The following TMEM255B variants were observed in gnomAD, a reference collection of about 807,000 sequenced individuals.
TMEM255B encodes the protein transmembrane protein 255B.
In TMEM255B, 35 loss-of-function variants were observed where a neutral mutation model predicts 34.5. The ratio of observed to expected loss-of-function variants is 1.01; its 90% CI spans 0.77 to 1.34. The LOEUF (loss-of-function observed/expected upper bound fraction) is 1.34. TMEM255B is among the 40% of genes most tolerant of loss of function. The pLI, the probability that TMEM255B is intolerant of heterozygous loss-of-function variation, is 0.00. For missense variants in TMEM255B, 432 were observed against 433.2 expected (o/e 1.00, Z 0.02); for synonymous variants, 206 against 201.2 (o/e 1.02, Z -0.20).
At position 113,774,691 on chromosome 13, in the gene TMEM255B, GACAC is replaced by G. The variant is rs374008919; in HGVS notation, c.252+5538_252+5541del. Among the ~76,000 whole-genome samples the G allele has an allele frequency of 5.7e-3, 594 of 104,684 alleles. 1 individual carries two copies. The highest frequency in any genetic ancestry group is 0.023 in the African/African-American group (554 of 24,448). The allele number at this position is 104,684 out of a possible 152,430, so 68.7% of individuals were successfully genotyped here. On this transcript the variant is annotated intron_variant, in intron 3 of 8. Coordinates refer to ENST00000375353, the MANE Select transcript of TMEM255B (RefSeq NM_182614.4). ...CACATATGACACACACACCACACAT[GACAC>G]ACACACCACACAATACACACCACAT...
intron 3 of TMEM255B, among the ~76,000 whole-genome samples, chr13:113,788,935 A>G (rs1426712395): frequency 1.3e-5 from 2 of 151,698 alleles, no homozygotes; most frequent in East Asian, 3.9e-4. Context: ...GAGGCCACCG[A>G]CCGACTGCCC....
At chr13:113,786,809 C>A (rs2050753930) in intron 3 of TMEM255B, among the ~76,000 whole-genome samples, 1 of 152,218 alleles carries the variant, frequency 6.6e-6, no homozygotes, top group Admixed American at 6.5e-5. Context: ...TCAGAAGAAA[C>A]CATTACGATG....
At chr13:113,800,962 CGCTGGGG>C (rs780107383) in intron 6 of TMEM255B, 50 bp downstream of exon 6, 5 of 1,176,344 alleles carry the variant, frequency 4.3e-6, no homozygotes, top group African/African-American at 4.6e-5. Context: ...AGGTGAGGGG[CGCTGGGG>C]ACCCCCGTAT....
At chr13:113,811,652 G>A in intron 8 of TMEM255B, 84 bp from the exon 9 acceptor site, 1 of 1,520,250 alleles carries the variant, frequency 6.6e-7, no homozygotes, top group Non-Finnish European at 8.9e-7. Flanking sequence ...GCGTGTGAGT[G>A]GCCCTGGTAT....
rs1490500056 is a variant in TMEM255B, at chr13:113,816,097, T to C, written c.*4194T>C. On this transcript the variant is annotated 3_prime_UTR_variant, in exon 9 of 9. Transcript: ENST00000375353. ...TCACTGCTCAGGGACACGGGTTCTT[T>C]TCGGGGAGGCAAGCGTGTTTGCAGC... The C allele has an allele frequency of 2.9e-5, 5 of 173,442 alleles. No homozygotes were observed. Among genetic ancestry groups the C allele is most frequent in the African/African-American group, 1.3e-4 (5 of 39,012 alleles). 10.7% of individuals were successfully genotyped at this position (173,442 alleles called of 1,614,324 possible). A position where few individuals can be genotyped will look rare whatever the true frequency, so the allele number is the denominator to read the frequency against.
At chr13:113,791,331 G>A (rs998277104) in intron 3 of TMEM255B, among the ~76,000 whole-genome samples, 5 of 152,338 alleles carry the variant, frequency 3.3e-5, no homozygotes, top group South Asian at 2.1e-4. Flanking sequence ...GAAAGTGGCC[G>A]GGGCATCTAG....
intron 3 of TMEM255B, among the ~76,000 whole-genome samples, chr13:113,776,015 C>T (rs986900822): frequency 6.6e-5 from 10 of 152,314 alleles, no homozygotes; most frequent in Admixed American, 3.9e-4. Context: ...TCTTCCGGGC[C>T]GCCCCTCCTG....
intron 3 of TMEM255B, among the ~76,000 whole-genome samples, chr13:113,794,634 A>G (rs753837130): frequency 6.6e-6 from 1 of 152,144 alleles, no homozygotes; most frequent in Non-Finnish European, 1.5e-5. Flanking sequence ...GCTTTATAGC[A>G]GAGTTTGTAG....
intron 3 of TMEM255B, among the ~76,000 whole-genome samples, chr13:113,790,412 A>C (rs1038917198): frequency 5.1e-5 from 5 of 97,344 alleles, no homozygotes; most frequent in African/African-American, 1.8e-4. Context: ...ACACGTGGAC[A>C]TCCTAGCACT....
chr13:113,801,936 C>A, intron 7 of TMEM255B, 124 bp downstream of exon 7: 1 of 1,151,164 alleles, frequency 8.7e-7, no homozygotes, highest in Non-Finnish European at 1.2e-6. Context: ...GCCCATGCGT[C>A]TGTCAGCAGG....
intron 3 of TMEM255B, among the ~76,000 whole-genome samples, chr13:113,776,195 A>G (rs1051621265): frequency 2.0e-5 from 3 of 152,058 alleles, no homozygotes; most frequent in African/African-American, 7.2e-5. Context: ...TAATTTTGGG[A>G]GAAGGGTGGG....
At chr13:113,811,187 G>A (rs2051292939) in intron 8 of TMEM255B, among the ~76,000 whole-genome samples, 1 of 116,226 alleles carries the variant, frequency 8.6e-6, no homozygotes, top group Admixed American at 9.0e-5. Flanking sequence ...TGTGGGGTGG[G>A]GGCCAGTGAG....
At chr13:113,778,951 G>A (rs1459442543) in intron 3 of TMEM255B, among the ~76,000 whole-genome samples, 1 of 152,242 alleles carries the variant, frequency 6.6e-6, no homozygotes, top group Non-Finnish European at 1.5e-5. Flanking sequence ...GGTTTATGTT[G>A]GAGAATAAAC....
chr13:113,771,867 C>G (rs1027358332), intron 3 of TMEM255B, among the ~76,000 whole-genome samples: 10 of 152,114 alleles, frequency 6.6e-5, no homozygotes, highest in African/African-American at 2.4e-4. Flanking sequence ...GGGCATGTAC[C>G]TAGGAGTGGA....
chr13:113,794,569 G>A (rs1265941309), intron 3 of TMEM255B, among the ~76,000 whole-genome samples: 1 of 152,076 alleles, frequency 6.6e-6, no homozygotes, highest in Non-Finnish European at 1.5e-5. Flanking sequence ...TCTGGTCAGG[G>A]GTCCACGGGG....
At chr13:113,807,193 G>C (rs913655320) in intron 8 of TMEM255B, among the ~76,000 whole-genome samples, 16 of 152,234 alleles carry the variant, frequency 1.1e-4, no homozygotes, top group African/African-American at 3.4e-4. Flanking sequence ...GGAGGGAGGG[G>C]CTGGTGACTC....
intron 3 of TMEM255B, among the ~76,000 whole-genome samples, chr13:113,788,527 C>T (rs1335962485): frequency 2.0e-5 from 3 of 152,052 alleles, no homozygotes; most frequent in Non-Finnish European, 4.4e-5. Context: ...CGGCTGGTGG[C>T]TCCCTGTGTC....
At chr13:113,774,089 C>T (rs906475246) in intron 3 of TMEM255B, among the ~76,000 whole-genome samples, 16 of 151,350 alleles carry the variant, frequency 1.1e-4, no homozygotes, top group South Asian at 4.2e-4. Context: ...TCCTTGCCCC[C>T]CACCCAACTC....
At chr13:113,774,410 A>G (rs2050525493) in intron 3 of TMEM255B, among the ~76,000 whole-genome samples, 1 of 152,216 alleles carries the variant, frequency 6.6e-6, no homozygotes, top group South Asian at 2.1e-4. Context: ...AACCTGGCAC[A>G]GTCCCATAGG....
Sources: allele counts gnomAD v4.1 joint callset (sites outside exome capture counted in the v4.1 genomes callset), GRCh38; gene constraint gnomAD v4.1.1; transcripts MANE v1.5; gene names NCBI Gene and HGNC (gene_info 2026-07-23, HGNC 2026-07-21).